The following ZNF827 variants were observed in gnomAD, a reference collection of about 807,000 sequenced individuals.
ZNF827 encodes the protein zinc finger protein 827.
A neutral mutation model predicts 102.4 loss-of-function variants in ZNF827; 13 were observed. That is an observed-to-expected ratio of 0.13 (90% CI 0.08 to 0.20). The LOEUF (loss-of-function observed/expected upper bound fraction) is 0.20, where lower values mean the gene tolerates loss of function less well. ZNF827 is among the 10% of genes least tolerant of loss of function. The pLI, the probability that ZNF827 is intolerant of heterozygous loss-of-function variation, is 1.00. For missense variants in ZNF827, 1,103 were observed against 1,344.4 expected, an observed-to-expected ratio of 0.82 and a Z score of 2.81; for synonymous variants, 523 against 536.2, an observed-to-expected ratio of 0.98 and a Z score of 0.34.
chr4:145,771,953 T>C (rs1736351850), intron 11 of ZNF827, among the ~76,000 whole-genome samples: 1 of 152,182 alleles, frequency 6.6e-6, no homozygotes, highest in Admixed American at 6.5e-5. Context: ...TCTGAAAATA[T>C]AGGGAACAGA....
Position 145,761,665 on chromosome 4 carries a change from G to C in ZNF827, c.*18-67C>G. ...TTCGGAGGCAGCCGCGCTTCTCGCC[G>C]CCTCACCAGCCTTCCCTCACACCAC... is the stretch of plus-strand genomic sequence containing the variant. On this transcript the variant is annotated intron_variant, in intron 14 of 14. Transcript: ENST00000508784. The surrounding 1 kb of genome is among the most constrained non-coding windows in gnomAD (Gnocchi z 6.8). The C allele has an allele frequency of 1.0e-6, 1 of 979,530 alleles. No homozygotes were observed. The highest frequency in any genetic ancestry group is 1.4e-6 in the Non-Finnish European group (1 of 735,124). 60.7% of individuals were successfully genotyped at this position (979,530 alleles called of 1,614,324 possible). A position where few individuals can be genotyped will look rare whatever the true frequency, so the allele number is the denominator to read the frequency against.
chr4:145,910,917 C>T (rs1186935728), intron 1 of ZNF827, among the ~76,000 whole-genome samples: 1 of 152,088 alleles, frequency 6.6e-6, no homozygotes, highest in Admixed American at 6.5e-5. Context: ...ATACAAGCTC[C>T]GAGGGAGGAC....
chr4:145,880,182 C>G (rs1749544408), intron 4 of ZNF827, among the ~76,000 whole-genome samples: 1 of 152,186 alleles, frequency 6.6e-6, no homozygotes, highest in African/African-American at 2.4e-5. Flanking sequence ...TTTCAGTGAG[C>G]CGAGATCGCA....
chr4:145,778,430 G>A (rs556744647), intron 9 of ZNF827, among the ~76,000 whole-genome samples: 5 of 152,094 alleles, frequency 3.3e-5, no homozygotes, highest in Non-Finnish European at 7.3e-5. Context: ...CATCGCGCCC[G>A]ACAACAAAAA....
chr4:145,822,229 G>A (rs1488507012), intron 8 of ZNF827, among the ~76,000 whole-genome samples: 2 of 152,220 alleles, frequency 1.3e-5, no homozygotes, highest in Admixed American at 6.5e-5. Context: ...TGCCTGCAAA[G>A]CTAAAAAGCA....
chr4:145,913,200 C>T (rs1314049663), intron 1 of ZNF827, among the ~76,000 whole-genome samples: 2 of 151,996 alleles, frequency 1.3e-5, no homozygotes, highest in East Asian at 1.9e-4. Context: ...TCAAGGCTGG[C>T]GGATCACTTG....
At chr4:145,776,310 A>G (rs1458399502) in intron 9 of ZNF827, among the ~76,000 whole-genome samples, 2 of 151,992 alleles carry the variant, frequency 1.3e-5, no homozygotes, top group Non-Finnish European at 2.9e-5. Context: ...ATTTTTAAAA[A>G]ATTAGTCAGG....
intron 1 of ZNF827, among the ~76,000 whole-genome samples, chr4:145,930,443 G>T (rs1357339462): frequency 6.6e-5 from 10 of 152,148 alleles, no homozygotes. Flanking sequence ...ATGTAGAAAT[G>T]ACCAAAGAGA....
chr4:145,874,325 G>T (rs957099535), intron 4 of ZNF827, among the ~76,000 whole-genome samples: 3 of 152,176 alleles, frequency 2.0e-5, no homozygotes, highest in Non-Finnish European at 4.4e-5. Flanking sequence ...ATTGTAATGT[G>T]CTGAGGAAAT....
rs1741023171 is a variant in ZNF827, at chr4:145,802,632, T to C, written c.2383+20790A>G. Among the ~76,000 whole-genome samples, 3 of 152,216 alleles carry C rather than the reference T, an allele frequency of 2.0e-5. No homozygotes were observed. The South Asian group carries it at 6.2e-4, about 31-fold the overall frequency. Reference sequence around the variant, plus strand: ...GTGACCCGCCAGCCGATTATAAAATTGATTTAGTGGATCTCAACCAACATT... The same window carrying C: ...GTGACCCGCCAGCCGATTATAAAATCGATTTAGTGGATCTCAACCAACATT... On this transcript the variant is annotated intron_variant, in intron 8 of 14. Transcript: ENST00000508784.
chr4:145,903,679 A>T (rs1366185027), intron 1 of ZNF827, among the ~76,000 whole-genome samples: 4 of 152,208 alleles, frequency 2.6e-5, no homozygotes, highest in African/African-American at 9.6e-5. Context: ...CCGTGACTCT[A>T]GGCAAGTCAC....
chr4:145,829,858 A>G (rs1744035361), intron 7 of ZNF827, among the ~76,000 whole-genome samples: 1 of 150,918 alleles, frequency 6.6e-6, no homozygotes. Context: ...TTATTTTTTA[A>G]GAACTGAAAT....
In ZNF827 at chr4:145,775,869, C is replaced by A; in HGVS notation, c.2613G>T (p.Leu871=). The A allele has an allele frequency of 6.2e-7, 1 of 1,614,174 alleles. No homozygotes were observed. The highest frequency in any genetic ancestry group is 1.1e-5 in the South Asian group (1 of 91,086). ...CAATGTCCTCGGTGTCTGTACTCAC[C>A]AGCTTCACGGAATGGACGGTCAAGT... ...NQHLTVHSVK[L]VSTDTEDIVS... is the part of the protein sequence containing the mutation. The change falls in exon 10 of 15, where the codon CTG becomes CTT. Residue 871 remains leucine, a synonymous_variant. Transcript: ENST00000508784.
intron 8 of ZNF827, among the ~76,000 whole-genome samples, chr4:145,795,030 A>T (rs1269625434): frequency 6.6e-6 from 1 of 152,244 alleles, no homozygotes; most frequent in African/African-American, 2.4e-5. Context: ...CCCAAGAATC[A>T]GTCAGTGGCT....
chr4:145,805,560 G>T (rs1406969559), intron 8 of ZNF827, among the ~76,000 whole-genome samples: 1 of 152,104 alleles, frequency 6.6e-6, no homozygotes, highest in Non-Finnish European at 1.5e-5. Context: ...TTATCTTTAT[G>T]CAGGGCCTCT....
intron 2 of ZNF827, among the ~76,000 whole-genome samples, chr4:145,896,343 G>GGT (rs1750971519): frequency 6.6e-6 from 1 of 152,148 alleles, no homozygotes; most frequent in Non-Finnish European, 1.5e-5. Context: ...TCCATAGTGT[G>GGT]GCTCAGGTAG....
At chr4:145,913,247 G>A (rs1022654207) in intron 1 of ZNF827, among the ~76,000 whole-genome samples, 11 of 152,096 alleles carry the variant, frequency 7.2e-5, no homozygotes, top group African/African-American at 2.2e-4. Context: ...GTAATATGGT[G>A]AAACCGCATC....
At chr4:145,907,149 G>A (rs1230211817) in intron 1 of ZNF827, 1 of 456,078 alleles carries the variant, frequency 2.2e-6, no homozygotes, top group Admixed American at 2.4e-5. Context: ...ATTATAAGAA[G>A]CTCAAACAAA....
At chr4:145,826,367 C>T (rs533897082) in intron 7 of ZNF827, among the ~76,000 whole-genome samples, 5 of 152,148 alleles carry the variant, frequency 3.3e-5, no homozygotes, top group Non-Finnish European at 5.9e-5. Context: ...CAGCAACAAA[C>T]GCTAAGTATC....
Sources: allele counts gnomAD v4.1 joint callset (sites outside exome capture counted in the v4.1 genomes callset), GRCh38; gene constraint gnomAD v4.1.1; non-coding constraint Gnocchi (gnomAD v3.1); transcripts MANE v1.5; gene names NCBI Gene and HGNC (gene_info 2026-07-23, HGNC 2026-07-21).